Variants in KDM5A observed in about 807,000 individuals in gnomAD.
The protein encoded by KDM5A is lysine demethylase 5A.
KDM5A carries 42 observed loss-of-function variants against 193.5 expected under a neutral mutation model. That is an observed-to-expected ratio of 0.22 (90% CI 0.17 to 0.28). KDM5A has a LOEUF of 0.28. KDM5A is among the 10% of genes least tolerant of loss of function. KDM5A has a pLI of 1.00. For missense variants in KDM5A, 1,692 were observed against 2,055.1 expected (o/e 0.82, Z 3.42); for synonymous variants, 796 against 718.1 (o/e 1.11, Z -1.73).
intron 26 of KDM5A, among the ~76,000 whole-genome samples, chr12:293,577 A>C (rs568231481): frequency 6.6e-6 from 1 of 152,152 alleles, no homozygotes; most frequent in South Asian, 2.1e-4. Context: ...TCAGGAGTTC[A>C]AGACCAGCCT....
intron 24 of KDM5A, among the ~76,000 whole-genome samples, chr12:306,356 G>C (rs889880527): frequency 6.6e-6 from 1 of 152,146 alleles, no homozygotes; most frequent in Non-Finnish European, 1.5e-5. Context: ...AATTGGCCAA[G>C]AAAGCTTTAC....
intron 12 of KDM5A, 121 bp downstream of exon 12, chr12:333,366 C>A (rs1432317704): frequency 1.9e-6 from 2 of 1,049,624 alleles, no homozygotes; most frequent in Non-Finnish European, 2.9e-6. Context: ...CTGCAATGAG[C>A]AATCATCGTG....
chr12:309,753 C>T, intron 22 of KDM5A, 50 bp downstream of exon 22: 3 of 1,588,284 alleles, frequency 1.9e-6, no homozygotes, highest in Non-Finnish European at 1.7e-6. Context: ...AATATCTCTA[C>T]AGAGTTTTGT....
intron 3 of KDM5A, among the ~76,000 whole-genome samples, chr12:367,068 G>C (rs971166099): frequency 2.0e-5 from 3 of 152,120 alleles, no homozygotes; most frequent in African/African-American, 7.2e-5. Context: ...ATCTGGGTTT[G>C]TATAAGTACA....
At chr12:362,842 GCAATA>G (rs1944308883) in intron 5 of KDM5A, 116 bp downstream of exon 5, 1 of 872,072 alleles carries the variant, frequency 1.1e-6, no homozygotes, top group Admixed American at 2.0e-5. Flanking sequence ...ATACCAACCA[GCAATA>G]CTCAAGAGGC....
chr12:351,112 C>A (rs1944152913), intron 9 of KDM5A, among the ~76,000 whole-genome samples: 1 of 152,004 alleles, frequency 6.6e-6, no homozygotes, highest in Non-Finnish European at 1.5e-5. Context: ...CTATTTTATG[C>A]CTTTTATGAT....
Position 307,899 on chromosome 12 carries a change from T to G in KDM5A, c.3485A>C (p.Lys1162Thr), listed in dbSNP as rs374993509. ...GGCTGTCTTGCGGCAAATGCAAAAT[T>G]TTACTTCTTCTATGCGGTCCACCAT... ...MTMVDRIEEV[K>T]FCICRKTASG... The change falls in exon 23 of 28, where the codon AAA (lysine) becomes ACA (threonine). Residue 1162 changes from lysine (K) to threonine (T), a missense_variant. Lys to Thr is a moderately conservative substitution (Grantham distance 78, BLOSUM62 -1). This residue lies in a region of KDM5A where 965 missense variants were observed against 1,061.0 expected (regional missense o/e 0.91). Coordinates refer to ENST00000399788, the MANE Select transcript of KDM5A (RefSeq NM_001042603.3). This position sits in a 1 kb window ranked among gnomAD's most constrained non-coding sequence, Gnocchi z 4.3. The G allele has an allele frequency of 1.1e-5, 18 of 1,614,060 alleles. No homozygotes were observed. Among genetic ancestry groups the G allele is most frequent in the Non-Finnish European group, 1.5e-5 (18 of 1,179,996 alleles).
chr12:346,684 G>C (rs978834237), intron 10 of KDM5A, among the ~76,000 whole-genome samples: 1 of 152,170 alleles, frequency 6.6e-6, no homozygotes, highest in Admixed American at 6.5e-5. Context: ...TATCTCAATA[G>C]ATGCAGAAAA....
chr12:342,754 G>A (rs1320597196), intron 10 of KDM5A, among the ~76,000 whole-genome samples: 1 of 149,900 alleles, frequency 6.7e-6, no homozygotes, highest in East Asian at 2.0e-4. Context: ...GGGCCACCGT[G>A]CCTGGCCTAA....
At chr12:339,727 T>C (rs1043764330) in intron 10 of KDM5A, among the ~76,000 whole-genome samples, 27 of 152,114 alleles carry the variant, frequency 1.8e-4, no homozygotes, top group Non-Finnish European at 4.0e-4. Flanking sequence ...CTATGTTACA[T>C]AAAAAATAAT....
chr12:321,255 A>C (rs1249091825), intron 17 of KDM5A, 146 bp from the exon 18 acceptor site: 1 of 667,874 alleles, frequency 1.5e-6, no homozygotes, highest in East Asian at 2.7e-5. Flanking sequence ...GACCACTTCA[A>C]AACAGTTGAG....
chr12:314,304 T>A (rs1943624223), intron 19 of KDM5A, among the ~76,000 whole-genome samples: 2 of 152,122 alleles, frequency 1.3e-5, no homozygotes, highest in African/African-American at 4.8e-5. Flanking sequence ...CAAACGATTC[T>A]CATGCCTCAG....
chr12:306,579 C>T (rs762856538), intron 24 of KDM5A, among the ~76,000 whole-genome samples: 15 of 151,986 alleles, frequency 9.9e-5, no homozygotes, highest in Admixed American at 7.2e-4. Flanking sequence ...CCCATCTCTA[C>T]TAAAAACACA....
chr12:325,968 C>G (rs986803510), intron 14 of KDM5A, among the ~76,000 whole-genome samples: 1 of 152,128 alleles, frequency 6.6e-6, no homozygotes, highest in Admixed American at 6.5e-5. Flanking sequence ...AAGCTGAGAT[C>G]GTGCAACTGC....
chr12:323,021 C>T (rs1003410262), intron 16 of KDM5A, 61 bp downstream of exon 16: 4 of 1,606,712 alleles, frequency 2.5e-6, no homozygotes, highest in Non-Finnish European at 3.4e-6. Context: ...AAAACTAAAA[C>T]AAAGCCTCTT....
intron 27 of KDM5A, 48 bp from the exon 28 acceptor site, chr12:285,710 C>T (rs761373217): frequency 6.4e-7 from 1 of 1,553,834 alleles, no homozygotes; most frequent in East Asian, 2.2e-5. Context: ...AAACATTAAG[C>T]CTAGAATAAA....
intron 24 of KDM5A, among the ~76,000 whole-genome samples, chr12:300,378 C>T (rs1045568157): frequency 1.3e-5 from 2 of 152,164 alleles, no homozygotes; most frequent in African/African-American, 2.4e-5. Context: ...GATTAAGAAA[C>T]TCACTCAAAA....
At chr12:375,515 T>C (rs1040896391) in intron 3 of KDM5A, among the ~76,000 whole-genome samples, 15 of 152,346 alleles carry the variant, frequency 9.8e-5, no homozygotes, top group African/African-American at 3.4e-4. Flanking sequence ...TTGCGATGGG[T>C]TCGAACTTCC....
chr12:387,753 G>A (rs934982592), intron 1 of KDM5A, among the ~76,000 whole-genome samples: 2 of 151,958 alleles, frequency 1.3e-5, no homozygotes, highest in Non-Finnish European at 2.9e-5. Flanking sequence ...TACCTGTCAG[G>A]GCTTCAAAGA....
Sources: gnomAD v4.1 joint callset for allele counts (sites outside exome capture counted in the v4.1 genomes callset) on GRCh38, gnomAD v4.1.1 for gene constraint, gnomAD v4.1.1 regional missense constraint, Gnocchi (gnomAD v3.1) non-coding constraint, MANE v1.5 for transcripts, NCBI Gene and HGNC (gene_info 2026-07-23, HGNC 2026-07-21) for gene names.